Variants in FSTL5 observed in about 807,000 individuals in gnomAD.
The protein encoded by FSTL5 is follistatin-related protein 5.
A neutral mutation model predicts 89.1 loss-of-function variants in FSTL5; 62 were observed. The observed-to-expected ratio is 0.70, with a 90% CI of 0.57 to 0.86. The LOEUF (loss-of-function observed/expected upper bound fraction) is 0.86, where lower values mean the gene tolerates loss of function less well. FSTL5 is among the 40% of genes least tolerant of loss of function. The probability of loss-of-function intolerance (pLI) is 0.00; values close to 1 mark genes in which losing one functional copy is unlikely to be tolerated. For missense variants in FSTL5, 1,057 were observed against 1,001.6 expected (o/e 1.06, Z -0.75); for synonymous variants, 383 against 346.2 (o/e 1.11, Z -1.18).
chr4:161,683,620 T>A (rs533566992), intron 6 of FSTL5, among the ~76,000 whole-genome samples: 1 of 152,324 alleles, frequency 6.6e-6, no homozygotes, highest in African/African-American at 2.4e-5. Flanking sequence ...ATATGTACAA[T>A]AATTATATGA....
chr4:161,913,931 G>A (rs1306381366), intron 4 of FSTL5, among the ~76,000 whole-genome samples: 1 of 152,138 alleles, frequency 6.6e-6, no homozygotes, highest in Non-Finnish European at 1.5e-5. Context: ...TTTCAGATGA[G>A]ACTTTGGACT....
At chr4:161,939,412 T>A (rs1401275107) in intron 3 of FSTL5, among the ~76,000 whole-genome samples, 1 of 151,988 alleles carries the variant, frequency 6.6e-6, no homozygotes, top group Non-Finnish European at 1.5e-5. Context: ...GTATATTACA[T>A]TCTTTAGAAT....
At chr4:161,526,208 A>G (rs1731214009) in intron 10 of FSTL5, among the ~76,000 whole-genome samples, 1 of 152,180 alleles carries the variant, frequency 6.6e-6, no homozygotes, top group Non-Finnish European at 1.5e-5. Context: ...TGGTTGAACT[A>G]TGTATATTAT....
intron 3 of FSTL5, among the ~76,000 whole-genome samples, chr4:161,979,000 G>A (rs746328279): frequency 2.6e-5 from 4 of 152,058 alleles, no homozygotes; most frequent in African/African-American, 4.8e-5. Context: ...CATCCATAGG[G>A]TGTAATTTAA....
At chr4:161,987,079 G>A (rs890055299) in intron 3 of FSTL5, among the ~76,000 whole-genome samples, 8 of 152,042 alleles carry the variant, frequency 5.3e-5, no homozygotes, top group Admixed American at 2.0e-4. Context: ...AGACAGTCAC[G>A]CATTCCCTGC....
intron 10 of FSTL5, among the ~76,000 whole-genome samples, chr4:161,522,572 T>C (rs537268960): frequency 6.8e-4 from 103 of 151,540 alleles, no homozygotes; most frequent in African/African-American, 2.2e-3. Flanking sequence ...CATACATATA[T>C]AATTTTTTTC....
rs796943432 is a variant in FSTL5 at position 161,705,958 on chromosome 4, A to G, written c.728-49464T>C. On this transcript the variant is annotated intron_variant, in intron 6 of 15. Coordinates refer to ENST00000306100, the MANE Select transcript of FSTL5 (RefSeq NM_020116.5). ...TGTGTGTGTGTAGATGTGTGTATATATATATATATATATATATATATATAT... is the reference window on the plus strand; with the variant it reads ...TGTGTGTGTGTAGATGTGTGTATATGTATATATATATATATATATATATAT... Among the ~76,000 whole-genome samples the G allele has an allele frequency of 2.0e-3, 104 of 52,886 alleles. 3 individuals are homozygous for G. The highest frequency in any genetic ancestry group is 9.5e-3 in the African/African-American group (92 of 9,728). The allele number at this position is 52,886 out of a possible 152,430, so 34.7% of individuals were successfully genotyped here.
chr4:161,687,800 T>C (rs776789998), intron 6 of FSTL5, among the ~76,000 whole-genome samples: 1 of 152,218 alleles, frequency 6.6e-6, no homozygotes, highest in Non-Finnish European at 1.5e-5. Flanking sequence ...ATGTTATGGT[T>C]AGAATGTGTT....
intron 7 of FSTL5, among the ~76,000 whole-genome samples, chr4:161,622,402 G>GT (rs1337380433): frequency 2.0e-5 from 3 of 151,950 alleles, no homozygotes; most frequent in Admixed American, 2.0e-4. Context: ...AAAGCTTGAC[G>GT]TAAAAACATA....
intron 6 of FSTL5, among the ~76,000 whole-genome samples, chr4:161,695,424 CGT>C (rs151205054): frequency 2.2e-4 from 29 of 134,246 alleles, no homozygotes; most frequent in African/African-American, 7.1e-4. Context: ...CCATGGTGTA[CGT>C]GTGTGTGTGT....
At position 161,749,625 on chromosome 4, in the gene FSTL5, A is replaced by G. The variant is rs571378632; in HGVS notation, c.727+9786T>C. ...ATCCTAGCTAACACGGTGAAACCCCATCTCTACTAAAAATACAATAGCCGG... is the reference window on the plus strand; with the variant it reads ...ATCCTAGCTAACACGGTGAAACCCCGTCTCTACTAAAAATACAATAGCCGG... On this transcript the variant is annotated intron_variant, in intron 6 of 15. Transcript: ENST00000306100. Among the ~76,000 whole-genome samples, 1,063 of 151,760 alleles carry G rather than the reference A, an allele frequency of 7.0e-3. 10 individuals are homozygous for G. The highest frequency in any genetic ancestry group is 0.023 in the African/African-American group (954 of 41,420).
intron 3 of FSTL5, among the ~76,000 whole-genome samples, chr4:161,938,104 A>T (rs940824455): frequency 3.9e-5 from 6 of 152,058 alleles, no homozygotes; most frequent in Non-Finnish European, 8.8e-5. Flanking sequence ...ACCACCATTC[A>T]TCAATATCAA....
chr4:161,912,642 T>A (rs1482268242), intron 4 of FSTL5, among the ~76,000 whole-genome samples: 1 of 152,072 alleles, frequency 6.6e-6, no homozygotes, highest in Non-Finnish European at 1.5e-5. Context: ...ATCAACAGCG[T>A]GAAAATGAAC....
chr4:161,400,061 A>G (rs1731133669), intron 15 of FSTL5, among the ~76,000 whole-genome samples: 1 of 152,114 alleles, frequency 6.6e-6, no homozygotes, highest in Non-Finnish European at 1.5e-5. Flanking sequence ...CATAATATAC[A>G]CAACTTTTAT....
chr4:162,117,290 C>A (rs1167993232), intron 1 of FSTL5, among the ~76,000 whole-genome samples: 1 of 152,136 alleles, frequency 6.6e-6, no homozygotes, highest in East Asian at 1.9e-4. Flanking sequence ...GCACCTGTAC[C>A]AGATTATTCC....
intron 15 of FSTL5, among the ~76,000 whole-genome samples, chr4:161,428,066 T>A (rs998040802): frequency 2.0e-5 from 3 of 152,074 alleles, no homozygotes; most frequent in African/African-American, 7.2e-5. Flanking sequence ...AGAGTCGGTG[T>A]TCTTGGGAAA....
At chr4:162,093,473 G>A (rs951147115) in intron 2 of FSTL5, among the ~76,000 whole-genome samples, 1 of 152,014 alleles carries the variant, frequency 6.6e-6, no homozygotes, top group Non-Finnish European at 1.5e-5. Context: ...CCAATTACCA[G>A]AAAATATTGG....
chr4:161,891,722 C>G (rs1408893610), intron 4 of FSTL5, among the ~76,000 whole-genome samples: 1 of 152,064 alleles, frequency 6.6e-6, no homozygotes, highest in Non-Finnish European at 1.5e-5. Flanking sequence ...ATAGTACACT[C>G]ATGTCACATA....
At chr4:161,772,379 A>G (rs1206893392) in intron 5 of FSTL5, among the ~76,000 whole-genome samples, 3 of 152,090 alleles carry the variant, frequency 2.0e-5, no homozygotes, top group Non-Finnish European at 4.4e-5. Context: ...ATTAAAGGGC[A>G]TGCAAAATGA....
Sources: gnomAD v4.1 joint callset for allele counts (sites outside exome capture counted in the v4.1 genomes callset) on GRCh38, gnomAD v4.1.1 for gene constraint, MANE v1.5 for transcripts, NCBI Gene and HGNC (gene_info 2026-07-23, HGNC 2026-07-21) for gene names.